SF3A3: variants seen among roughly 807,000 people sequenced by gnomAD.
SF3A3 encodes the protein SAP 61.
A neutral mutation model predicts 85.8 loss-of-function variants in SF3A3; 9 were observed. The ratio of observed to expected loss-of-function variants is 0.10; its 90% CI spans 0.06 to 0.18. SF3A3 has a LOEUF of 0.18. Among genes scored for constraint, SF3A3 ranks in the 10% least tolerant of loss-of-function variants. The pLI, the probability that SF3A3 is intolerant of heterozygous loss-of-function variation, is 1.00. For synonymous variants in SF3A3, 195 were observed against 204.4 expected (o/e 0.95, Z 0.39); for missense variants, 306 against 593.3 (o/e 0.52, Z 5.03).
chr1:37,980,462 C>T (rs1025782021), intron 8 of SF3A3, 124 bp downstream of exon 8: 1 of 1,035,838 alleles, frequency 9.7e-7, no homozygotes, highest in Non-Finnish European at 1.4e-6. Context: ...CAGGGAATAC[C>T]TCATTGTCAC....
chr1:37,988,490 C>T (rs771250250), intron 2 of SF3A3, among the ~76,000 whole-genome samples: 1 of 152,166 alleles, frequency 6.6e-6, no homozygotes, highest in South Asian at 2.1e-4. Flanking sequence ...AAAAGCCTAT[C>T]ACAGGTTCGG....
intron 10 of SF3A3, 77 bp from the exon 11 acceptor site, chr1:37,978,904 CA>C (rs1243956326): frequency 7.8e-5 from 121 of 1,545,816 alleles, no homozygotes; most frequent in Non-Finnish European, 9.7e-5. Flanking sequence ...TGTGGAGCAA[CA>C]AAAAAAATGG....
chr1:37,975,239 A>G (rs1646371409), intron 12 of SF3A3, among the ~76,000 whole-genome samples: 1 of 152,178 alleles, frequency 6.6e-6, no homozygotes, highest in Admixed American at 6.6e-5. Flanking sequence ...ATGCTCTTAA[A>G]GGATGGAGAG....
At chr1:37,958,553 A>G (rs569766608) in intron 16 of SF3A3, among the ~76,000 whole-genome samples, 2 of 152,312 alleles carry the variant, frequency 1.3e-5, no homozygotes, top group African/African-American at 2.4e-5. Flanking sequence ...TTAGCTCTCT[A>G]TGTTTAAGAT....
intron 15 of SF3A3, among the ~76,000 whole-genome samples, chr1:37,966,866 C>G (rs887611186): frequency 8.2e-6 from 1 of 121,648 alleles, no homozygotes; most frequent in Admixed American, 1.1e-4. Context: ...ACCCAGGAGG[C>G]ACAGGTTGCA....
chr1:37,987,195 C>T (rs1444498688), intron 4 of SF3A3, among the ~76,000 whole-genome samples: 3 of 152,166 alleles, frequency 2.0e-5, no homozygotes, highest in Non-Finnish European at 4.4e-5. Context: ...TCTCTTGCCT[C>T]AGCCTCCTGA....
chr1:37,989,983 TTC>T lies in SF3A3; in HGVS notation c.-20_-19del. On this transcript the variant is annotated 5_prime_UTR_variant, in exon 1 of 17. Coordinates refer to ENST00000373019, the MANE Select transcript of SF3A3 (RefSeq NM_006802.4). ...GTCTCCATCTTCCCTTAGTCGCGGC[TTC>T]TCAATTCAGACCACCAACACGGCCG... 6.3e-7 allele frequency: 1 copy of T among 1,591,342 alleles called. No homozygotes were observed. The highest frequency in any genetic ancestry group is 8.6e-7 in the Non-Finnish European group (1 of 1,165,138).
intron 2 of SF3A3, 117 bp downstream of exon 2, chr1:37,989,431 C>T (rs1646479286): frequency 1.8e-6 from 2 of 1,094,036 alleles, no homozygotes; most frequent in South Asian, 1.6e-5. Flanking sequence ...AGAGAGCCCG[C>T]GACTGGCCAA....
At chr1:37,986,946 T>A (rs79332167) in intron 4 of SF3A3, among the ~76,000 whole-genome samples, 2 of 151,206 alleles carry the variant, frequency 1.3e-5, no homozygotes, top group East Asian at 3.9e-4. Context: ...TTGGACAAAA[T>A]CTTGACCAAC....
intron 15 of SF3A3, among the ~76,000 whole-genome samples, chr1:37,964,103 C>T (rs1203818439): frequency 2.0e-5 from 3 of 151,858 alleles, no homozygotes; most frequent in Non-Finnish European, 2.9e-5. Context: ...CGCTTTAACC[C>T]GGGAGGTGGA....
At chr1:37,973,059 G>C (rs1048590924) in intron 12 of SF3A3, among the ~76,000 whole-genome samples, 10 of 152,066 alleles carry the variant, frequency 6.6e-5, no homozygotes, top group African/African-American at 2.4e-4. Context: ...CATGCTTGTA[G>C]TCCCAGCTAC....
At chr1:37,961,525 G>A (rs1646257670) in intron 15 of SF3A3, among the ~76,000 whole-genome samples, 1 of 151,208 alleles carries the variant, frequency 6.6e-6, no homozygotes, top group Non-Finnish European at 1.5e-5. Context: ...TGGAGGTTGG[G>A]GTGAGCCGAG....
Position 37,963,325 on chromosome 1 carries a change from G to GA in SF3A3, c.1373-3151dup, listed in dbSNP as rs142721314. Among the ~76,000 whole-genome samples, 668 of 152,174 alleles carry GA rather than the reference G, an allele frequency of 4.4e-3. 7 individuals are homozygous for GA. The highest frequency in any genetic ancestry group is 0.016 in the African/African-American group (654 of 41,526). ...CAAGACCCTGTCTCAGAAAAAGAGA[G>GA]AGAAGACAGGGGCTGGGTTCGGGTG... is the stretch of plus-strand genomic sequence containing the variant. On this transcript the variant is annotated intron_variant, in intron 15 of 16. Coordinates refer to ENST00000373019, the MANE Select transcript of SF3A3 (RefSeq NM_006802.4).
chr1:37,981,562 T>G (rs7519426), intron 7 of SF3A3, among the ~76,000 whole-genome samples, 167 bp downstream of exon 7: 137,987 of 152,296 alleles, frequency 0.91, 62,645 homozygotes, highest in East Asian at 1. Context: ...GTCCAGACTA[T>G]CGCAAAGGTT....
chr1:37,977,884 T>C (rs1646390055), intron 11 of SF3A3, among the ~76,000 whole-genome samples: 1 of 150,972 alleles, frequency 6.6e-6, no homozygotes, highest in African/African-American at 2.4e-5. Flanking sequence ...CAATGTGGTG[T>C]TGCACATCTG....
intron 1 of SF3A3, 30 bp downstream of exon 1, chr1:37,989,840 T>C: frequency 1.3e-6 from 2 of 1,542,206 alleles, no homozygotes; most frequent in Non-Finnish European, 1.8e-6. Context: ...CTCGTGCTCC[T>C]GCCGCAGCCT....
At chr1:37,961,962 G>A (rs2148714546) in intron 15 of SF3A3, among the ~76,000 whole-genome samples, 1 of 151,220 alleles carries the variant, frequency 6.6e-6, no homozygotes, top group East Asian at 2.0e-4. Flanking sequence ...GTGCATGCCT[G>A]TAATCCCTGC....
chr1:37,988,893 A>T (rs542662455), intron 2 of SF3A3, among the ~76,000 whole-genome samples: 2,238 of 147,710 alleles, frequency 0.015, 77 homozygotes, highest in Admixed American at 0.072. Context: ...ATATATATAT[A>T]TATTTTTTTT....
In SF3A3 at chr1:37,968,150, A is replaced by T. The variant is rs1646315676; in HGVS notation, c.1282-16T>A. 1 of 1,541,200 alleles carries T rather than the reference A, an allele frequency of 6.5e-7. No homozygotes were observed. Among genetic ancestry groups the T allele is most frequent in the Non-Finnish European group, 9.0e-7 (1 of 1,113,816 alleles). ...GACGCCATTCCTGGGAGAAGAGAGAAGCAAAAGGATCATGTGAAATGGGAA... is the reference window on the plus strand; with the variant it reads ...GACGCCATTCCTGGGAGAAGAGAGATGCAAAAGGATCATGTGAAATGGGAA... On this transcript the variant is annotated splice_polypyrimidine_tract_variant and intron_variant, in intron 14 of 16. Transcript: ENST00000373019.
Sources: allele counts gnomAD v4.1 joint callset (sites outside exome capture counted in the v4.1 genomes callset), GRCh38; gene constraint gnomAD v4.1.1; transcripts MANE v1.5; gene names NCBI Gene and HGNC (gene_info 2026-07-23, HGNC 2026-07-21).